AGAP1: variants seen among roughly 807,000 people sequenced by gnomAD.
AGAP1 encodes ArfGAP with GTPase domain, ankyrin repeat and PH domain 1, also known as arf-GAP with GTPase, ANK repeat and PH domain-containing protein 1.
Under a neutral mutation model 105.3 loss-of-function variants are expected in AGAP1, and 29 were observed. That is an observed-to-expected ratio of 0.28 (90% CI 0.21 to 0.38). The LOEUF (loss-of-function observed/expected upper bound fraction) is 0.38, where lower values mean the gene tolerates loss of function less well. AGAP1 is among the 10% of genes least tolerant of loss of function. The pLI is 1.00. For missense variants in AGAP1, 998 were observed against 1,165.1 expected (o/e 0.86, Z 2.09); for synonymous variants, 509 against 485.9 (o/e 1.05, Z -0.63).
At chr2:235,894,634 TACAC>T (rs894881918) in intron 10 of AGAP1, among the ~76,000 whole-genome samples, 5 of 24,206 alleles carry the variant, frequency 2.1e-4, no homozygotes, top group Non-Finnish European at 7.3e-4. Context: ...CATGCACATG[TACAC>T]ACACACACAC....
intron 1 of AGAP1, among the ~76,000 whole-genome samples, chr2:235,678,795 A>T (rs534673820): frequency 1.3e-5 from 2 of 151,688 alleles, no homozygotes; most frequent in South Asian, 4.2e-4. Flanking sequence ...ACGTAGTAAG[A>T]GTTCTGCCTG....
chr2:235,836,384 G>A (rs943782975), intron 9 of AGAP1, among the ~76,000 whole-genome samples: 2 of 152,184 alleles, frequency 1.3e-5, no homozygotes, highest in African/African-American at 4.8e-5. Flanking sequence ...TTTGGGGGCC[G>A]ATAGAGGAGA....
intron 5 of AGAP1, among the ~76,000 whole-genome samples, chr2:235,748,172 G>A (rs535865467): frequency 6.6e-6 from 1 of 152,362 alleles, no homozygotes; most frequent in East Asian, 1.9e-4. Context: ...GAACCGAAAT[G>A]CGAGTGCAGA....
chr2:235,878,647 C>T (rs959179485), intron 9 of AGAP1, among the ~76,000 whole-genome samples: 1 of 152,172 alleles, frequency 6.6e-6, no homozygotes, highest in African/African-American at 2.4e-5. Context: ...CCTCTGGAGC[C>T]ATGTGCACTC....
intron 9 of AGAP1, among the ~76,000 whole-genome samples, chr2:235,815,003 T>G (rs190492890): frequency 6.5e-4 from 99 of 152,322 alleles, no homozygotes; most frequent in Admixed American, 2.4e-3. Flanking sequence ...ATGGGGGTTC[T>G]GATGTACCAG....
At chr2:235,730,739 T>G (rs923076177) in intron 3 of AGAP1, among the ~76,000 whole-genome samples, 2 of 152,208 alleles carry the variant, frequency 1.3e-5, no homozygotes, top group African/African-American at 2.4e-5. Context: ...TAGTTGACCA[T>G]GCAGGCTATT....
chr2:235,828,708 A>G (rs1286820321), intron 9 of AGAP1, among the ~76,000 whole-genome samples: 1 of 152,196 alleles, frequency 6.6e-6, no homozygotes, highest in Non-Finnish European at 1.5e-5. Context: ...GCTTTCGCTC[A>G]CCCAGCCTTT....
chr2:236,023,269 A>T (rs996140036), intron 13 of AGAP1, among the ~76,000 whole-genome samples: 3 of 152,170 alleles, frequency 2.0e-5, no homozygotes, highest in African/African-American at 7.2e-5. Context: ...AAAAGGAGAG[A>T]GAGCTTCCCT....
At chr2:235,563,749 A>G (rs1444276865) in intron 1 of AGAP1, among the ~76,000 whole-genome samples, 1 of 152,086 alleles carries the variant, frequency 6.6e-6, no homozygotes, top group Non-Finnish European at 1.5e-5. Flanking sequence ...GGAGAGAGAG[A>G]AGGAAGCTAG....
At chr2:235,776,206 T>C (rs1955846689) in intron 6 of AGAP1, among the ~76,000 whole-genome samples, 1 of 152,184 alleles carries the variant, frequency 6.6e-6, no homozygotes. Context: ...TCCATCAGTG[T>C]GGCTTAATGA....
chr2:235,930,960 C>T lies in AGAP1; in HGVS notation c.1483+37C>T, dbSNP rs748578710. ...CTCAGCCCCACGGACCCGCAGCCAC[C>T]TCAAGGTCCTTCGTTGTAAGCCAGG... On this transcript the variant is annotated intron_variant, in intron 12 of 17. Transcript: ENST00000304032. This position sits in a 1 kb window ranked among gnomAD's most constrained non-coding sequence, Gnocchi z 7.9. 1 of 1,603,772 alleles carries T rather than the reference C, an allele frequency of 6.2e-7. No homozygotes were observed. The highest frequency in any genetic ancestry group is 1.1e-5 in the South Asian group (1 of 89,820).
intron 1 of AGAP1, among the ~76,000 whole-genome samples, chr2:235,629,228 T>C (rs1040788363): frequency 1.3e-5 from 2 of 151,800 alleles, no homozygotes; most frequent in Admixed American, 1.3e-4. Flanking sequence ...TCACTGCAAA[T>C]GCCGTTAATT....
At chr2:235,565,151 G>T (rs771914399) in intron 1 of AGAP1, among the ~76,000 whole-genome samples, 10 of 146,680 alleles carry the variant, frequency 6.8e-5, no homozygotes, top group Non-Finnish European at 1.4e-4. Flanking sequence ...TCACAGCCAG[G>T]TGTGAGCCTG....
chr2:235,668,840 A>C (rs1188678873), intron 1 of AGAP1, among the ~76,000 whole-genome samples: 1 of 152,126 alleles, frequency 6.6e-6, no homozygotes, highest in Non-Finnish European at 1.5e-5. Context: ...AAAGTTTAGG[A>C]GCTTTTATTG....
At chr2:235,496,226 TA>T (rs1217717118) in intron 1 of AGAP1, among the ~76,000 whole-genome samples, 1 of 152,192 alleles carries the variant, frequency 6.6e-6, no homozygotes, top group African/African-American at 2.4e-5. Flanking sequence ...GGGGACTTGT[TA>T]ATTCCAGGGG....
intron 1 of AGAP1, among the ~76,000 whole-genome samples, chr2:235,652,379 C>T (rs1336390866): frequency 3.3e-5 from 5 of 152,082 alleles, no homozygotes; most frequent in Non-Finnish European, 7.4e-5. Context: ...CCCCTGTCCT[C>T]TGCATGCTTC....
chr2:235,540,204 G>T (rs1393360661), intron 1 of AGAP1, among the ~76,000 whole-genome samples: 1 of 144,920 alleles, frequency 6.9e-6, no homozygotes, highest in Non-Finnish European at 1.5e-5. Context: ...AGGCTGGAGT[G>T]CAGTGGTGCA....
chr2:235,568,961 G>A lies in AGAP1; in HGVS notation c.163+74112G>A, dbSNP rs182733323. On this transcript the variant is annotated intron_variant, in intron 1 of 17. Coordinates refer to ENST00000304032, the MANE Select transcript of AGAP1 (RefSeq NM_001037131.3). The stretch of plus-strand genomic sequence containing the variant: ...TGATTACATTGAACCCACCTGGATA[G>A]TTCAAGACACCCTCACCTCAATGCC... Among the ~76,000 whole-genome samples, 64 of 152,300 alleles carry A rather than the reference G, an allele frequency of 4.2e-4. 1 individual carries two copies. The East Asian group carries it at 0.012, about 29-fold the overall frequency.
At chr2:236,018,034 A>G (rs914432796) in intron 13 of AGAP1, among the ~76,000 whole-genome samples, 7 of 152,226 alleles carry the variant, frequency 4.6e-5, no homozygotes, top group African/African-American at 1.7e-4. Flanking sequence ...AGATTAAAAA[A>G]CAAAAATATT....
Sources: gnomAD v4.1 joint callset for allele counts (sites outside exome capture counted in the v4.1 genomes callset) on GRCh38, gnomAD v4.1.1 for gene constraint, Gnocchi (gnomAD v3.1) non-coding constraint, MANE v1.5 for transcripts, NCBI Gene and HGNC (gene_info 2026-07-23, HGNC 2026-07-21) for gene names.